Variants in NELL1 observed in about 807,000 individuals in gnomAD.
NELL1 encodes the protein neural EGFL like 1, also known as protein kinase C-binding protein NELL1.
Under a neutral mutation model 107.4 loss-of-function variants are expected in NELL1, and 76 were observed. That is an observed-to-expected ratio of 0.71 (90% CI 0.59 to 0.86). NELL1 has a LOEUF of 0.86. Among genes scored for constraint, NELL1 ranks in the 40% least tolerant of loss-of-function variants. NELL1 has a pLI of 0.00. For synonymous variants in NELL1, 353 were observed against 341.2 expected, an observed-to-expected ratio of 1.03 and a Z score of -0.38; for missense variants, 1,024 against 1,005.5, an observed-to-expected ratio of 1.02 and a Z score of -0.25.
chr11:21,529,543 T>G (rs796850380), intron 15 of NELL1, among the ~76,000 whole-genome samples: 1 of 147,938 alleles, frequency 6.8e-6, no homozygotes, highest in Non-Finnish European at 1.5e-5. Context: ...CTTAAACTTA[T>G]GTGAAGTTTT....
chr11:21,547,572 G>A (rs1002171495), intron 16 of NELL1, among the ~76,000 whole-genome samples: 5 of 151,862 alleles, frequency 3.3e-5, no homozygotes, highest in Non-Finnish European at 5.9e-5. Flanking sequence ...TTTTTAATAT[G>A]ACACATAATT....
intron 9 of NELL1, among the ~76,000 whole-genome samples, chr11:20,936,435 C>T (rs1436269293): frequency 6.6e-6 from 1 of 152,160 alleles, no homozygotes; most frequent in Non-Finnish European, 1.5e-5. Flanking sequence ...AGGCATGTCC[C>T]TGGACTTTCT....
intron 12 of NELL1, among the ~76,000 whole-genome samples, chr11:20,966,914 AT>A (rs1342574788): frequency 6.6e-6 from 1 of 151,590 alleles, no homozygotes; most frequent in Non-Finnish European, 1.5e-5. Context: ...TCAAATTCAA[AT>A]CCTGGTTATT....
At chr11:21,104,383 G>A (rs559019486) in intron 12 of NELL1, among the ~76,000 whole-genome samples, 70 of 152,306 alleles carry the variant, frequency 4.6e-4, no homozygotes, top group African/African-American at 1.1e-3. Context: ...CTAGAAATTC[G>A]TATGCTGTGA....
chr11:20,904,771 G>T (rs1046828987), intron 5 of NELL1, among the ~76,000 whole-genome samples: 1 of 151,684 alleles, frequency 6.6e-6, no homozygotes, highest in Non-Finnish European at 1.5e-5. Context: ...CTTGTTTTTG[G>T]TTGCTGACAT....
At chr11:20,819,089 G>A (rs1857690048) in intron 3 of NELL1, among the ~76,000 whole-genome samples, 1 of 152,102 alleles carries the variant, frequency 6.6e-6, no homozygotes, top group Admixed American at 6.5e-5. Context: ...TATTTTACTG[G>A]CTCTTTAAAC....
At chr11:21,543,154 C>T (rs560831627) in intron 16 of NELL1, among the ~76,000 whole-genome samples, 3 of 151,926 alleles carry the variant, frequency 2.0e-5, no homozygotes, top group Non-Finnish European at 1.5e-5. Context: ...TAAGACCCAC[C>T]CTACACATAA....
intron 2 of NELL1, among the ~76,000 whole-genome samples, chr11:20,707,322 C>A (rs1335584777): frequency 6.6e-6 from 1 of 151,734 alleles, no homozygotes; most frequent in South Asian, 2.1e-4. Context: ...TCCTTTAGCT[C>A]AGAGAAGTTT....
intron 14 of NELL1, among the ~76,000 whole-genome samples, chr11:21,239,318 A>G (rs1858289773): frequency 6.6e-6 from 1 of 152,086 alleles, no homozygotes; most frequent in African/African-American, 2.4e-5. Flanking sequence ...ATACATTACT[A>G]TATTTCCCAT....
chr11:20,919,338 G>A lies in NELL1; in HGVS notation c.759+4G>A, dbSNP rs757822221. The A allele has an allele frequency of 1.3e-6, 2 of 1,544,186 alleles. No individual in the cohort carries two copies. The highest frequency in any genetic ancestry group is 2.3e-5 in the South Asian group (2 of 87,398). ...TTTGGCCAAGATGACTGCAAAAGTAGGTATCTAAATTTCATTTGTGATGTT... is the reference window on the plus strand; with the variant it reads ...TTTGGCCAAGATGACTGCAAAAGTAAGTATCTAAATTTCATTTGTGATGTT... On this transcript the variant is annotated splice_donor_region_variant and intron_variant, in intron 7 of 19. Transcript: ENST00000357134.
chr11:20,716,701 A>T (rs1003198591), intron 2 of NELL1, among the ~76,000 whole-genome samples: 1 of 152,050 alleles, frequency 6.6e-6, no homozygotes, highest in Non-Finnish European at 1.5e-5. Flanking sequence ...CCTAGCTATG[A>T]CTCTTACTAG....
intron 12 of NELL1, among the ~76,000 whole-genome samples, chr11:21,076,050 T>G (rs2134386610): frequency 6.6e-6 from 1 of 152,364 alleles, no homozygotes; most frequent in East Asian, 1.9e-4. Context: ...TAACTAAGGA[T>G]GACTAAAACA....
At chr11:21,434,193 T>G (rs1374597071) in intron 15 of NELL1, among the ~76,000 whole-genome samples, 3 of 152,176 alleles carry the variant, frequency 2.0e-5, no homozygotes, top group African/African-American at 4.8e-5. Context: ...TTTTTTTGAT[T>G]GATATAGCCC....
chr11:20,877,030 C>T (rs190538881), intron 4 of NELL1, among the ~76,000 whole-genome samples: 14 of 152,198 alleles, frequency 9.2e-5, no homozygotes, highest in African/African-American at 3.4e-4. Context: ...TGTTATGTCC[C>T]CTTAGCATAA....
chr11:21,023,742 G>A (rs1235254821), intron 12 of NELL1, among the ~76,000 whole-genome samples: 1 of 152,040 alleles, frequency 6.6e-6, no homozygotes, highest in African/African-American at 2.4e-5. Context: ...GACAATGTAT[G>A]ACATCTACTG....
At chr11:21,029,889 C>T (rs1026518692) in intron 12 of NELL1, among the ~76,000 whole-genome samples, 1 of 152,150 alleles carries the variant, frequency 6.6e-6, no homozygotes, top group Non-Finnish European at 1.5e-5. Flanking sequence ...AACCATTAAC[C>T]ACTTTTATTT....
At chr11:21,418,124 G>C (rs954205890) in intron 15 of NELL1, among the ~76,000 whole-genome samples, 1 of 151,990 alleles carries the variant, frequency 6.6e-6, no homozygotes, top group African/African-American at 2.4e-5. Flanking sequence ...TATTCAACAG[G>C]GGTTTACTGA....
intron 13 of NELL1, among the ~76,000 whole-genome samples, chr11:21,156,787 CA>C (rs1194509259): frequency 6.6e-6 from 1 of 151,904 alleles, no homozygotes; most frequent in African/African-American, 2.4e-5. Flanking sequence ...ATCATTAGAG[CA>C]GCTATTAATA....
At chr11:20,699,631 T>C (rs1398623908) in intron 2 of NELL1, among the ~76,000 whole-genome samples, 1 of 152,206 alleles carries the variant, frequency 6.6e-6, no homozygotes, top group East Asian at 1.9e-4. Context: ...GTGCTGGGAT[T>C]ACAGGCGTGA....
Sources: allele counts gnomAD v4.1 joint callset (sites outside exome capture counted in the v4.1 genomes callset), GRCh38; gene constraint gnomAD v4.1.1; transcripts MANE v1.5; gene names NCBI Gene and HGNC (gene_info 2026-07-23, HGNC 2026-07-21).